The following FTO variants were observed in gnomAD, a reference collection of about 807,000 sequenced individuals.
FTO encodes the protein alpha-ketoglutarate-dependent dioxygenase FTO.
A neutral mutation model predicts 63.9 loss-of-function variants in FTO; 47 were observed. That is an observed-to-expected ratio of 0.74 (90% CI 0.58 to 0.94). The LOEUF (loss-of-function observed/expected upper bound fraction) is 0.94, where lower values mean the gene tolerates loss of function less well. FTO is among the 40% of genes least tolerant of loss of function. FTO has a pLI of 0.00. For synonymous variants in FTO, 207 were observed against 224.4 expected, an observed-to-expected ratio of 0.92 and a Z score of 0.69; for missense variants, 562 against 618.1, an observed-to-expected ratio of 0.91 and a Z score of 0.96.
At chr16:53,826,620 CGT>C (rs201953228) in intron 3 of FTO, 129 bp downstream of exon 3, 6 of 832,848 alleles carry the variant, frequency 7.2e-6, no homozygotes, top group Non-Finnish European at 1.2e-5. Context: ...CATGCACATG[CGT>C]GTGTGTGTAT....
intron 8 of FTO, chr16:53,937,221 T>C (rs763700819): frequency 1.5e-5 from 6 of 398,458 alleles, no homozygotes; most frequent in Admixed American, 4.4e-5. Context: ...CAAATAGGCT[T>C]ATTAGGGCTG....
At chr16:53,704,009 T>A, upstream of FTO, 1 of 714,514 alleles carries the variant, frequency 1.4e-6, no homozygotes, top group South Asian at 1.6e-5. Context: ...CTGTGCTAAA[T>A]CCCGTGGCGC....
intron 8 of FTO, among the ~76,000 whole-genome samples, chr16:54,007,977 A>T (rs762770986): frequency 6.6e-6 from 1 of 152,226 alleles, no homozygotes; most frequent in Non-Finnish European, 1.5e-5. Flanking sequence ...ACAGGGATTC[A>T]TTGTCATTCC....
intron 8 of FTO, chr16:53,992,574 G>T (rs542234337): frequency 6.6e-6 from 1 of 152,218 alleles, no homozygotes; most frequent in South Asian, 2.1e-4. Flanking sequence ...TCCATATTCT[G>T]TGTGTGATTG....
At chr16:53,903,732 A>G (rs1224682639) in intron 7 of FTO, among the ~76,000 whole-genome samples, 1 of 152,160 alleles carries the variant, frequency 6.6e-6, no homozygotes, top group African/African-American at 2.4e-5. Context: ...TTCTGCTTTT[A>G]CAAATAATAT....
chr16:54,100,152 G>A (rs1182388009), intron 8 of FTO, among the ~76,000 whole-genome samples: 1 of 152,158 alleles, frequency 6.6e-6, no homozygotes, highest in Admixed American at 6.5e-5. Context: ...AATGATTCTC[G>A]TGATGTCTGT....
chr16:53,788,602 C>CAAA (rs530568312), intron 1 of FTO, among the ~76,000 whole-genome samples: 3 of 100,194 alleles, frequency 3.0e-5, no homozygotes, highest in East Asian at 3.9e-4. Flanking sequence ...GACTCTGTCT[C>CAAA]AAAAAAAAAA....
intron 1 of FTO, among the ~76,000 whole-genome samples, chr16:53,777,410 T>TCTTTAGACAAGTGATAATATCTTAAAG (rs1455020776): frequency 6.6e-6 from 1 of 152,216 alleles, no homozygotes; most frequent in Non-Finnish European, 1.5e-5. Flanking sequence ...TATTCCATTT[T>TCTTTAGACAAGTGATAATATCTTAAAG]CTTTAGACAA....
intron 8 of FTO, among the ~76,000 whole-genome samples, chr16:54,015,327 CTAAG>C (rs2084416649): frequency 6.6e-6 from 1 of 152,218 alleles, no homozygotes; most frequent in Non-Finnish European, 1.5e-5. Flanking sequence ...ACCTTCACTC[CTAAG>C]TGTGCGTCAC....
intron 6 of FTO, among the ~76,000 whole-genome samples, chr16:53,880,510 A>G (rs113488284): frequency 1.3e-5 from 2 of 152,326 alleles, no homozygotes; most frequent in Admixed American, 6.5e-5. Context: ...ACAAAATTGC[A>G]TAAACCAAGT....
intron 4 of FTO, among the ~76,000 whole-genome samples, chr16:53,844,686 C>G (rs2079570609): frequency 6.6e-6 from 1 of 152,174 alleles, no homozygotes; most frequent in Non-Finnish European, 1.5e-5. Context: ...TCTCAAACTC[C>G]TGACCTCAGG....
At chr16:53,957,298 A>G (rs1047102067) in intron 8 of FTO, among the ~76,000 whole-genome samples, 3 of 151,862 alleles carry the variant, frequency 2.0e-5, no homozygotes, top group Admixed American at 2.0e-4. Flanking sequence ...CAGCATTAGA[A>G]CTCTCTTTGC....
chr16:54,104,293 A>G (rs1337520294), intron 8 of FTO, among the ~76,000 whole-genome samples: 1 of 148,282 alleles, frequency 6.7e-6, no homozygotes, highest in African/African-American at 2.5e-5. Context: ...TGTAACACCA[A>G]TGTTTTCTAC....
chr16:53,919,072 A>G lies in FTO; in HGVS notation c.1240-14913A>G, dbSNP rs370193191. On this transcript the variant is annotated intron_variant, in intron 7 of 8. Transcript: ENST00000471389. ...TTACGTATATGTTAGTTTTGGGCAC[A>G]GGCGCCTGATGTCTGGGTTAGATTT... is the stretch of plus-strand genomic sequence containing the variant. 1.4e-4 allele frequency among the ~76,000 whole-genome samples: 21 copies of G among 152,318 alleles called. 1 individual carries two copies. The South Asian group carries it at 4.3e-3, about 32-fold the overall frequency.
chr16:54,067,672 T>A (rs533083032), intron 8 of FTO, among the ~76,000 whole-genome samples: 4 of 152,354 alleles, frequency 2.6e-5, no homozygotes, highest in African/African-American at 9.6e-5. Context: ...TTGTGTCTAA[T>A]GTTCCATGTA....
intron 4 of FTO, among the ~76,000 whole-genome samples, chr16:53,860,678 C>T (rs1224338934): frequency 6.6e-6 from 1 of 152,118 alleles, no homozygotes; most frequent in Non-Finnish European, 1.5e-5. Flanking sequence ...ATGAGAACAG[C>T]ACTGAGAGGA....
intron 1 of FTO, among the ~76,000 whole-genome samples, chr16:53,782,720 A>C (rs1369773704): frequency 6.6e-6 from 1 of 152,222 alleles, no homozygotes; most frequent in East Asian, 1.9e-4. Flanking sequence ...AGAAGCCAGT[A>C]ACTTCCACTC....
chr16:53,976,057 T>A (rs1426175017), intron 8 of FTO, among the ~76,000 whole-genome samples: 1 of 152,192 alleles, frequency 6.6e-6, no homozygotes, highest in Non-Finnish European at 1.5e-5. Flanking sequence ...CCCAGTGTAG[T>A]GCTTTTCACT....
intron 8 of FTO, among the ~76,000 whole-genome samples, chr16:53,999,093 A>G (rs1373730644): frequency 1.3e-5 from 2 of 152,226 alleles, no homozygotes; most frequent in African/African-American, 2.4e-5. Flanking sequence ...AGCATGAATT[A>G]GATCCCTCCA....
Sources: gnomAD v4.1 joint callset for allele counts (sites outside exome capture counted in the v4.1 genomes callset) on GRCh38, gnomAD v4.1.1 for gene constraint, MANE v1.5 for transcripts, NCBI Gene and HGNC (gene_info 2026-07-23, HGNC 2026-07-21) for gene names.